SYCE1: variants seen among roughly 807,000 people sequenced by gnomAD.
The protein encoded by SYCE1 is cancer/testis antigen 76.
In SYCE1, 37 loss-of-function variants were observed where a neutral mutation model predicts 55.1. That is an observed-to-expected ratio of 0.67 (90% CI 0.52 to 0.88). The LOEUF is 0.88. SYCE1 is among the 40% of genes least tolerant of loss of function. The pLI, the probability that SYCE1 is intolerant of heterozygous loss-of-function variation, is 0.00. For synonymous variants in SYCE1, 163 were observed against 159.4 expected, an observed-to-expected ratio of 1.02 and a Z score of -0.17; for missense variants, 399 against 416.4, an observed-to-expected ratio of 0.96 and a Z score of 0.36.
chr10:133,565,618 G>T, upstream of SYCE1: 1 of 1,339,194 alleles, frequency 7.5e-7, no homozygotes, highest in Non-Finnish European at 1.0e-6. Context: ...ACTCCAGGCA[G>T]CGCGCCTGCG....
intron 11 of SYCE1, 53 bp downstream of exon 11, chr10:133,555,541 TACA>T (rs1490215191): frequency 4.4e-6 from 7 of 1,604,864 alleles, no homozygotes; most frequent in East Asian, 2.2e-5. Context: ...AGAGAGGAGA[TACA>T]ACATCAGTCA....
At chr10:133,556,285 T>A in intron 8 of SYCE1, 1 of 590,324 alleles carries the variant, frequency 1.7e-6, no homozygotes, top group Non-Finnish European at 3.0e-6. Flanking sequence ...TGGATTGTTA[T>A]TTACAACAGA....
intron 5 of SYCE1, 116 bp downstream of exon 5, chr10:133,558,051 G>A: frequency 1.3e-6 from 2 of 1,521,574 alleles, no homozygotes; most frequent in Non-Finnish European, 1.8e-6. Flanking sequence ...TCTGGTGGAA[G>A]CCACAGGAGA....
chr10:133,568,279 C>G (rs1237278081), upstream of SYCE1: 6 of 1,419,772 alleles, frequency 4.2e-6, no homozygotes, highest in Non-Finnish European at 5.8e-6. Context: ...CGCGGCCCTT[C>G]TCCAGCCTGA....
chr10:133,557,161 G>T lies in SYCE1; in HGVS notation c.375-5C>A. ...TCCTGCAACATGGTGTGCTTCCTGG[G>T]AGAGGCGAGGCAGCCCTCAGCCATG... is the stretch of plus-strand genomic sequence containing the variant. On this transcript the variant is annotated splice_region_variant and splice_polypyrimidine_tract_variant and intron_variant, in intron 6 of 12. Transcript: ENST00000343131. 1 of 1,613,402 alleles carries T rather than the reference G, an allele frequency of 6.2e-7. No homozygotes were observed. The highest frequency in any genetic ancestry group is 8.5e-7 in the Non-Finnish European group (1 of 1,179,604).
Position 133,555,448 on chromosome 10 carries a change from A to G in SYCE1, c.831-10T>C. Reference sequence around the variant, plus strand: ...CAGCTCTTCCTTCAGCCTGGACAGGAAGAGGTAGGATGGGGGAAGGAAGAG... The same window carrying G: ...CAGCTCTTCCTTCAGCCTGGACAGGGAGAGGTAGGATGGGGGAAGGAAGAG... On this transcript the variant is annotated splice_polypyrimidine_tract_variant and intron_variant, in intron 11 of 12. Coordinates refer to ENST00000343131, the MANE Select transcript of SYCE1 (RefSeq NM_001143764.3). The G allele has an allele frequency of 6.2e-7, 1 of 1,613,828 alleles. No individual in the cohort carries two copies. The highest frequency in any genetic ancestry group is 1.1e-5 in the South Asian group (1 of 91,068).
chr10:133,558,320 C>T (rs958449082), intron 4 of SYCE1, 106 bp from the exon 5 acceptor site: 2 of 1,316,884 alleles, frequency 1.5e-6, no homozygotes, highest in African/African-American at 1.4e-5. Flanking sequence ...TTGGCCCCAA[C>T]CCAAATGTGA....
intron 1 of SYCE1, 28 bp downstream of exon 1, chr10:133,565,429 C>G (rs1222529816): frequency 6.5e-7 from 1 of 1,539,010 alleles, no homozygotes; most frequent in South Asian, 1.2e-5. Context: ...CAGACCCTCA[C>G]GCACAGTTCC....
chr10:133,559,158 C>A, intron 3 of SYCE1, 143 bp downstream of exon 3: 3 of 988,228 alleles, frequency 3.0e-6, no homozygotes, highest in Non-Finnish European at 4.7e-6. Context: ...TGCTGAAATG[C>A]CCTGTACTTA....
intron 1 of SYCE1, among the ~76,000 whole-genome samples, chr10:133,564,669 G>A (rs921269897): frequency 6.6e-6 from 1 of 152,198 alleles, no homozygotes; most frequent in African/African-American, 2.4e-5. Context: ...GGCAGCCACC[G>A]ACGTTTGTTA....
rs145713820 is a variant in SYCE1 at position 133,556,129 on chromosome 10, A to C, written c.529-82T>G. On this transcript the variant is annotated intron_variant, in intron 8 of 12. Coordinates refer to ENST00000343131, the MANE Select transcript of SYCE1 (RefSeq NM_001143764.3). Reference sequence around the variant, plus strand: ...GAAGGCTATCTGGATCTTGTTTCATACTTACTCACTATGCCTCACTTCCAA... The same window carrying C: ...GAAGGCTATCTGGATCTTGTTTCATCCTTACTCACTATGCCTCACTTCCAA... The C allele has an allele frequency of 2.0e-4, 298 of 1,520,892 alleles. 2 individuals are homozygous for C. The African/African-American group carries it at 3.8e-3, about 19-fold the overall frequency. 94.2% of individuals were successfully genotyped at this position (1,520,892 alleles called of 1,614,324 possible).
upstream of SYCE1, among the ~76,000 whole-genome samples, chr10:133,567,584 A>T (rs1441461994): frequency 6.6e-6 from 1 of 151,966 alleles, no homozygotes; most frequent in Non-Finnish European, 1.5e-5. Flanking sequence ...CTTCCCCCCA[A>T]ATTCTTAAGT....
At chr10:133,556,100 C>T in intron 8 of SYCE1, 53 bp from the exon 9 acceptor site, 6 of 1,595,096 alleles carry the variant, frequency 3.8e-6, no homozygotes, top group Non-Finnish European at 5.1e-6. Flanking sequence ...CCCCATGCCT[C>T]AAAGAAGGCT....
downstream of SYCE1, chr10:133,554,191 CT>C: frequency 9.1e-7 from 1 of 1,095,206 alleles, no homozygotes. Context: ...TTAACTGCAT[CT>C]TAGAGAACTC....
At chr10:133,556,912 G>C in intron 7 of SYCE1, 90 bp from the exon 8 acceptor site, 3 of 1,555,620 alleles carry the variant, frequency 1.9e-6, no homozygotes, top group Non-Finnish European at 2.7e-6. Flanking sequence ...GGCAGATTTT[G>C]GGGTGCTTTG....
chr10:133,555,227 G>A (rs767070877), intron 12 of SYCE1, 98 bp from the exon 13 acceptor site: 7 of 1,551,894 alleles, frequency 4.5e-6, no homozygotes, highest in Admixed American at 1.9e-5. Context: ...ACCCAGTATG[G>A]GAAAGGCCCT....
upstream of SYCE1, among the ~76,000 whole-genome samples, chr10:133,565,816 AG>A (rs531882311): frequency 1.3e-5 from 2 of 152,228 alleles, no homozygotes; most frequent in African/African-American, 4.8e-5. Context: ...CTGGCTTCCG[AG>A]GGGACCGGCC....
chr10:133,566,818 GTTGGGTT>G (rs879729628), upstream of SYCE1, among the ~76,000 whole-genome samples: 13,888 of 145,708 alleles, frequency 0.095, 828 homozygotes, highest in East Asian at 0.26. Context: ...AGGAGTTACA[GTTGGGTT>G]AAGGGTTAGG....
At chr10:133,565,324 T>C in intron 1 of SYCE1, 133 bp downstream of exon 1, 1 of 818,412 alleles carries the variant, frequency 1.2e-6, no homozygotes. Context: ...GAAATTTTTC[T>C]GAAGAAACCC....
Sources: gnomAD v4.1 joint callset for allele counts (sites outside exome capture counted in the v4.1 genomes callset) on GRCh38, gnomAD v4.1.1 for gene constraint, MANE v1.5 for transcripts, NCBI Gene and HGNC (gene_info 2026-07-23, HGNC 2026-07-21) for gene names.